The following FCER1A variants were observed in gnomAD, a reference collection of about 807,000 sequenced individuals.
The protein encoded by FCER1A is high affinity immunoglobulin epsilon receptor subunit alpha.
FCER1A carries 24 observed loss-of-function variants against 23.6 expected under a neutral mutation model. That is an observed-to-expected ratio of 1.02 (90% CI 0.74 to 1.43). The LOEUF (loss-of-function observed/expected upper bound fraction) is 1.43. FCER1A is among the 40% of genes most tolerant of loss of function. The pLI is 0.00. For missense variants in FCER1A, 318 were observed against 294.5 expected (o/e 1.08, Z -0.58); for synonymous variants, 121 against 108.8 (o/e 1.11, Z -0.70).
upstream of FCER1A, chr1:159,302,209 G>C (rs192839989): frequency 2.9e-4 from 197 of 677,222 alleles, no homozygotes; most frequent in East Asian, 4.8e-3. Flanking sequence ...GCACCATCCT[G>C]AATATTATCT....
chr1:159,293,452 T>A (rs1360753980), intron 1 of FCER1A, among the ~76,000 whole-genome samples: 1 of 151,832 alleles, frequency 6.6e-6, no homozygotes, highest in African/African-American at 2.4e-5. Context: ...TGCAGGTTAG[T>A]TACATATGTA....
chr1:159,298,859 G>A (rs537390687), upstream of FCER1A, among the ~76,000 whole-genome samples: 1 of 152,154 alleles, frequency 6.6e-6, no homozygotes, highest in Admixed American at 6.5e-5. Context: ...CTATTTGTGG[G>A]TTATGGAACC....
rs1276127665 is a variant in FCER1A at position 159,306,212 on chromosome 1, G to A, written c.556G>A (p.Glu186Lys). 5.0e-6 allele frequency: 8 copies of A among 1,614,136 alleles called. No homozygotes were observed. The highest frequency in any genetic ancestry group is 2.5e-6 in the Non-Finnish European group (3 of 1,180,026). ...CTGKVWQLDY[E>K]SEPLNITVIK... Reference sequence around the variant, plus strand: ...GGGCAAAGTGTGGCAGCTGGACTATGAGTCTGAGCCCCTCAACATTACTGT... The same window carrying A: ...GGGCAAAGTGTGGCAGCTGGACTATAAGTCTGAGCCCCTCAACATTACTGT... Residue 186 changes from glutamate (E) to lysine (K), a missense_variant, in exon 4 of 5, where the codon GAG (glutamate) becomes AAG (lysine). Coordinates refer to ENST00000693622, the MANE Select transcript of FCER1A (RefSeq NM_001387280.1).
At chr1:159,293,871 G>A (rs1468193935) in intron 1 of FCER1A, among the ~76,000 whole-genome samples, 2 of 150,812 alleles carry the variant, frequency 1.3e-5, no homozygotes, top group African/African-American at 2.4e-5. Context: ...AAATTTACAA[G>A]AAAAAAAACA....
upstream of FCER1A, among the ~76,000 whole-genome samples, chr1:159,284,881 T>G (rs1651978795): frequency 6.6e-6 from 1 of 152,238 alleles, no homozygotes; most frequent in Admixed American, 6.5e-5. Context: ...TTTTCCTACA[T>G]TATAATTTTT....
chr1:159,293,674 G>A (rs1652218211), intron 1 of FCER1A, among the ~76,000 whole-genome samples: 1 of 151,200 alleles, frequency 6.6e-6, no homozygotes, highest in African/African-American at 2.4e-5. Flanking sequence ...ATAGTTTACT[G>A]AGAATGATGA....
At chr1:159,295,262 T>G (rs896395295) in intron 1 of FCER1A, among the ~76,000 whole-genome samples, 3 of 152,118 alleles carry the variant, frequency 2.0e-5, no homozygotes, top group African/African-American at 7.2e-5. Flanking sequence ...GGGCCTTGTG[T>G]CAGTTCCTTT....
chr1:159,297,744 C>G (rs1451567942), upstream of FCER1A, among the ~76,000 whole-genome samples: 1 of 151,828 alleles, frequency 6.6e-6, no homozygotes, highest in African/African-American at 2.4e-5. Context: ...GTGTGATATT[C>G]TGGTATTTTT....
At chr1:159,292,034 C>T (rs894182452) in intron 1 of FCER1A, among the ~76,000 whole-genome samples, 1 of 152,140 alleles carries the variant, frequency 6.6e-6, no homozygotes, top group Admixed American at 6.6e-5. Flanking sequence ...GCTGTTTTCT[C>T]TAGCCTCTGT....
chr1:159,286,631 C>T (rs1246430620), upstream of FCER1A, among the ~76,000 whole-genome samples: 1 of 152,194 alleles, frequency 6.6e-6, no homozygotes, highest in African/African-American at 2.4e-5. Flanking sequence ...CGTGCCCGGC[C>T]TAAATCATTT....
Position 159,291,000 on chromosome 1 carries a change from A to C in FCER1A, c.-60+1247A>C, listed in dbSNP as rs995158836. Among the ~76,000 whole-genome samples the C allele has an allele frequency of 2.0e-5, 3 of 152,338 alleles. No homozygotes were observed. In the East Asian group the frequency reaches 5.8e-4, roughly 29 times the overall value. ...ATTTTTCTGTAATGCAAATTAGTCT[A>C]TATGCTATAGGCAAGCCAAGGAATA... On this transcript the variant is annotated intron_variant, in intron 1 of 5. Coordinates refer to the FCER1A transcript ENST00000368115.
At chr1:159,294,632 A>G (rs547255414) in intron 1 of FCER1A, among the ~76,000 whole-genome samples, 1 of 152,274 alleles carries the variant, frequency 6.6e-6, no homozygotes, top group African/African-American at 2.4e-5. Flanking sequence ...TTGTCTGCTT[A>G]TTATCTCTCT....
upstream of FCER1A, among the ~76,000 whole-genome samples, chr1:159,287,486 T>C (rs1652048109): frequency 6.6e-6 from 1 of 152,000 alleles, no homozygotes; most frequent in South Asian, 2.1e-4. Context: ...AACTAAAGAA[T>C]ATGTCCTGGA....
rs183203266 is a variant in FCER1A at position 159,305,590 on chromosome 1, G to A, written c.332-398G>A. Among the ~76,000 whole-genome samples, 3 of 152,190 alleles carry A rather than the reference G, an allele frequency of 2.0e-5. No individual in the cohort carries two copies. The East Asian group carries it at 5.8e-4, about 29-fold the overall frequency. On this transcript the variant is annotated intron_variant, in intron 3 of 4. Coordinates refer to ENST00000693622, the MANE Select transcript of FCER1A (RefSeq NM_001387280.1). ...ACAACTATAATTAACACTAGAACTG[G>A]GAAGTTTCTATAAGGTAAGAGAGGA...
chr1:159,295,190 G>A (rs1349716415), intron 1 of FCER1A, among the ~76,000 whole-genome samples: 3 of 152,078 alleles, frequency 2.0e-5, no homozygotes, highest in Admixed American at 6.6e-5. Flanking sequence ...TTTCTGCAAC[G>A]TGACTGTGCT....
chr1:159,306,395 A>G (rs995356543), intron 4 of FCER1A, 150 bp downstream of exon 4: 1 of 667,846 alleles, frequency 1.5e-6, no homozygotes, highest in Admixed American at 2.9e-5. Context: ...GGGTGATAGT[A>G]TATATCTCAA....
At chr1:159,289,549 G>A (rs1406606557), upstream of FCER1A, among the ~76,000 whole-genome samples, 1 of 152,080 alleles carries the variant, frequency 6.6e-6, no homozygotes, top group Non-Finnish European at 1.5e-5. Flanking sequence ...TTCTTCTTGG[G>A]CAGTAGCCTC....
At chr1:159,292,372 T>C (rs1652176451) in intron 1 of FCER1A, among the ~76,000 whole-genome samples, 2 of 152,140 alleles carry the variant, frequency 1.3e-5, no homozygotes, top group South Asian at 2.1e-4. Context: ...AATATAGTAC[T>C]TCCCCAGTCT....
At chr1:159,287,733 T>C (rs1230741295), upstream of FCER1A, among the ~76,000 whole-genome samples, 1 of 148,248 alleles carries the variant, frequency 6.7e-6, no homozygotes, top group African/African-American at 2.4e-5. Flanking sequence ...TATATATGTA[T>C]ATAGGCATAT....
Sources: gnomAD v4.1 joint callset for allele counts (sites outside exome capture counted in the v4.1 genomes callset) on GRCh38, gnomAD v4.1.1 for gene constraint, MANE v1.5 for transcripts, NCBI Gene and HGNC (gene_info 2026-07-23, HGNC 2026-07-21) for gene names.